Variants in SPIDR observed in about 807,000 individuals in gnomAD.
SPIDR encodes the protein scaffold protein involved in DNA repair.
SPIDR carries 93 observed loss-of-function variants against 104.6 expected under a neutral mutation model. That is an observed-to-expected ratio of 0.89 (90% CI 0.75 to 1.06). SPIDR has a LOEUF of 1.06. Ranked by LOEUF, SPIDR falls within the 50% of genes least tolerant of loss-of-function variation. SPIDR has a pLI of 0.00. For missense variants in SPIDR, 1,154 were observed against 1,111.2 expected (o/e 1.04, Z -0.55); for synonymous variants, 431 against 416.9 (o/e 1.03, Z -0.41).
At chr8:47,625,823 T>C (rs1453870397) in intron 10 of SPIDR, among the ~76,000 whole-genome samples, 8 of 152,196 alleles carry the variant, frequency 5.3e-5, no homozygotes, top group Non-Finnish European at 1.2e-4. Context: ...CAAGGTAATT[T>C]ATAGATTCAG....
intron 5 of SPIDR, among the ~76,000 whole-genome samples, chr8:47,394,235 T>A (rs1348284919): frequency 6.6e-6 from 1 of 152,154 alleles, no homozygotes; most frequent in Admixed American, 6.5e-5. Context: ...TCTCTTTCCC[T>A]GTGCCCCTCT....
intron 14 of SPIDR, among the ~76,000 whole-genome samples, chr8:47,706,061 C>T (rs1188625895): frequency 6.6e-6 from 1 of 152,084 alleles, no homozygotes. Context: ...ACCCCTCCAC[C>T]CCCATGTCAA....
chr8:47,503,143 C>T (rs577124007), intron 8 of SPIDR, among the ~76,000 whole-genome samples: 1 of 152,134 alleles, frequency 6.6e-6, no homozygotes, highest in African/African-American at 2.4e-5. Flanking sequence ...TCTGTAGATG[C>T]CTATTAGTTC....
At chr8:47,479,574 A>AG (rs1267931279) in intron 8 of SPIDR, among the ~76,000 whole-genome samples, 1 of 152,106 alleles carries the variant, frequency 6.6e-6, no homozygotes, top group African/African-American at 2.4e-5. Flanking sequence ...GTGGGGCAGT[A>AG]GGGGGGAATG....
intron 5 of SPIDR, among the ~76,000 whole-genome samples, chr8:47,327,619 G>A (rs1027999833): frequency 5.3e-5 from 8 of 152,190 alleles, no homozygotes; most frequent in Admixed American, 1.3e-4. Flanking sequence ...TTGGAGTGGA[G>A]TGGCGCAATC....
chr8:47,308,290 T>G (rs587654784), intron 5 of SPIDR, among the ~76,000 whole-genome samples: 41 of 152,046 alleles, frequency 2.7e-4, no homozygotes, highest in Non-Finnish European at 4.4e-4. Context: ...CTCAAACTCC[T>G]GACCTCAGGT....
chr8:47,494,049 C>T (rs945614064), intron 8 of SPIDR, among the ~76,000 whole-genome samples: 1 of 152,090 alleles, frequency 6.6e-6, no homozygotes, highest in African/African-American at 2.4e-5. Flanking sequence ...AATGCAGTGG[C>T]ACAGTTATAC....
intron 5 of SPIDR, among the ~76,000 whole-genome samples, chr8:47,310,734 G>C (rs6473889): frequency 0.033 from 4,961 of 152,094 alleles, 82 homozygotes; most frequent in Middle Eastern, 0.044. Context: ...CATAAAGAAG[G>C]GTGTCCCAAA....
chr8:47,470,956 G>A (rs80196854), intron 8 of SPIDR, among the ~76,000 whole-genome samples: 75 of 152,148 alleles, frequency 4.9e-4, no homozygotes, highest in African/African-American at 1.6e-3. Context: ...GGATGGTCTC[G>A]ATCTCCTGAC....
intron 8 of SPIDR, among the ~76,000 whole-genome samples, chr8:47,444,014 T>G (rs2070027949): frequency 6.6e-6 from 1 of 152,206 alleles, no homozygotes; most frequent in Non-Finnish European, 1.5e-5. Context: ...TAGAATTATA[T>G]AAGTCACCAA....
At chr8:47,395,540 A>G (rs545936687) in intron 5 of SPIDR, among the ~76,000 whole-genome samples, 1 of 152,312 alleles carries the variant, frequency 6.6e-6, no homozygotes, top group African/African-American at 2.4e-5. Context: ...ATAACATGGG[A>G]TTGACCTATA....
chr8:47,689,163 A>G (rs2078260251), intron 11 of SPIDR, among the ~76,000 whole-genome samples: 1 of 152,192 alleles, frequency 6.6e-6, no homozygotes, highest in Admixed American at 6.5e-5. Flanking sequence ...AGCATTCCCA[A>G]AGTGGGACTG....
At chr8:47,619,700 G>A (rs1256861709) in intron 10 of SPIDR, among the ~76,000 whole-genome samples, 2 of 151,662 alleles carry the variant, frequency 1.3e-5, no homozygotes, top group African/African-American at 4.9e-5. Flanking sequence ...CAACCTCCTG[G>A]GCTCAAGTGA....
chr8:47,407,255 C>T (rs2062880109), intron 6 of SPIDR, among the ~76,000 whole-genome samples: 1 of 152,064 alleles, frequency 6.6e-6, no homozygotes, highest in African/African-American at 2.4e-5. Flanking sequence ...TTTTTTATAA[C>T]ATTGGTATCT....
chr8:47,546,232 GCCTGGAGATA>G (rs2089346521), intron 8 of SPIDR, among the ~76,000 whole-genome samples: 1 of 151,616 alleles, frequency 6.6e-6, no homozygotes, highest in South Asian at 2.1e-4. Context: ...AGGTGTCTGA[GCCTGGAGATA>G]CCTGTTTGGG....
rs1554695802 is a variant in SPIDR, at chr8:47,440,399, G to A, written c.954G>A (p.Glu318=). 2 of 1,614,226 alleles carry A rather than the reference G, an allele frequency of 1.2e-6. No homozygotes were observed. The highest frequency in any genetic ancestry group is 1.7e-6 in the Non-Finnish European group (2 of 1,180,028). The change falls in exon 8 of 20, where the codon GAG becomes GAA. Residue 318 remains glutamate, a synonymous_variant. Coordinates refer to ENST00000297423, the MANE Select transcript of SPIDR (RefSeq NM_001080394.4). ...GTGCCATGCAAGTTGCCATGTGTGA[G>A]CAGTTATTGGGGTCACCAGCCACCA... ...EECAMQVAMC[E]QLLGSPATSS... is the part of the protein sequence containing the mutation.
chr8:47,465,658 C>G (rs1367425641), intron 8 of SPIDR, among the ~76,000 whole-genome samples: 1 of 152,068 alleles, frequency 6.6e-6, no homozygotes, highest in Admixed American at 6.5e-5. Flanking sequence ...ATCACTTGAA[C>G]CTGGGAGATG....
At chr8:47,735,091 TGTGGGTGTGTGTGTGTGTGG>T (rs1554618203) in intron 19 of SPIDR, among the ~76,000 whole-genome samples, 196 bp from the exon 20 acceptor site, 1 of 147,178 alleles carries the variant, frequency 6.8e-6, no homozygotes, top group African/African-American at 2.6e-5. Flanking sequence ...TAAATGGGTG[TGTGGGTGTGTGTGTGTGTGG>T]GTGTGTGTGT....
At chr8:47,470,326 C>A (rs1469376409) in intron 8 of SPIDR, among the ~76,000 whole-genome samples, 2 of 152,038 alleles carry the variant, frequency 1.3e-5, no homozygotes, top group African/African-American at 4.8e-5. Flanking sequence ...TCTTGCTCTG[C>A]CGTCCAGCCT....
Sources: allele counts gnomAD v4.1 joint callset (sites outside exome capture counted in the v4.1 genomes callset), GRCh38; gene constraint gnomAD v4.1.1; transcripts MANE v1.5; gene names NCBI Gene and HGNC (gene_info 2026-07-23, HGNC 2026-07-21).